The following SEH1L variants were observed in gnomAD, a reference collection of about 807,000 sequenced individuals.
SEH1L encodes nucleoporin SEH1.
A neutral mutation model predicts 49.5 loss-of-function variants in SEH1L; 18 were observed. The ratio of observed to expected loss-of-function variants is 0.36; its 90% CI spans 0.25 to 0.54. The LOEUF is 0.54. SEH1L is among the 20% of genes least tolerant of loss of function. The pLI, the probability that SEH1L is intolerant of heterozygous loss-of-function variation, is 0.87. For synonymous variants in SEH1L, 169 were observed against 178.1 expected, an observed-to-expected ratio of 0.95 and a Z score of 0.41; for missense variants, 404 against 528.8, an observed-to-expected ratio of 0.76 and a Z score of 2.31.
intron 7 of SEH1L, chr18:12,982,990 C>T: frequency 5.9e-6 from 1 of 168,604 alleles, no homozygotes; most frequent in Non-Finnish European, 1.3e-5. Context: ...CAGGCTAGGA[C>T]TGTAGTGGCT....
intron 6 of SEH1L, among the ~76,000 whole-genome samples, chr18:12,981,110 G>A (rs145193261): frequency 0.052 from 7,886 of 151,544 alleles, 302 homozygotes; most frequent in East Asian, 0.17. Context: ...CAGACAGGGC[G>A]GCCGGGCAGA....
At chr18:12,984,760 G>A (rs572055899) in intron 8 of SEH1L, 129 of 153,700 alleles carry the variant, frequency 8.4e-4, no homozygotes, top group Non-Finnish European at 1.0e-4. Context: ...TCTAGAGTCT[G>A]TTTCCATGTT....
intron 5 of SEH1L, chr18:12,976,687 C>T (rs7228122): frequency 0.34 from 52,429 of 152,004 alleles, 11,535 homozygotes; most frequent in East Asian, 0.63. Context: ...ATATTCTGGC[C>T]GGGCGCAGTG....
chr18:12,977,588 G>C (rs1461609754), intron 5 of SEH1L: 1 of 152,138 alleles, frequency 6.6e-6, no homozygotes. Flanking sequence ...GCCAGGCGTA[G>C]TGGTGCACGC....
intron 5 of SEH1L, among the ~76,000 whole-genome samples, chr18:12,974,994 TTTTA>T (rs994078748): frequency 4.6e-5 from 6 of 130,282 alleles, no homozygotes; most frequent in African/African-American, 1.8e-4. Context: ...TTTATTTTTA[TTTTA>T]TTTTTTTTTT....
chr18:12,979,153 G>A (rs936650192), intron 6 of SEH1L, among the ~76,000 whole-genome samples: 6 of 150,614 alleles, frequency 4.0e-5, no homozygotes, highest in African/African-American at 1.5e-4. Flanking sequence ...ATAGTGGAGG[G>A]AAGGTCAGCA....
intron 4 of SEH1L, among the ~76,000 whole-genome samples, chr18:12,970,265 T>A (rs555850649): frequency 6.6e-6 from 1 of 152,292 alleles, no homozygotes; most frequent in South Asian, 2.1e-4. Context: ...GTCATTCAGC[T>A]TATAGTTCAG....
In SEH1L at chr18:12,982,747, CTG is replaced by C. The variant is rs559429157; in HGVS notation, c.919+73_919+74del. 1.2e-4 allele frequency: 149 copies of C among 1,212,938 alleles called. 1 individual carries two copies. The South Asian group carries it at 2.0e-3, about 16-fold the overall frequency. 75.1% of individuals were successfully genotyped at this position (1,212,938 alleles called of 1,614,324 possible). Reference sequence around the variant, plus strand: ...GCAATTTTTACTTAAAATGTAAACTCTGAAATATTTTTTGAAAATGGTCTTTT... The same window carrying C: ...GCAATTTTTACTTAAAATGTAAACTCAAATATTTTTTGAAAATGGTCTTTT... On this transcript the variant is annotated intron_variant, in intron 7 of 8. Transcript: ENST00000399892.
In SEH1L at chr18:12,978,772, C is replaced by T. The variant is rs2032032390; in HGVS notation, c.641C>T (p.Thr214Ile). 3.7e-6 allele frequency: 6 copies of T among 1,612,114 alleles called. No homozygotes were observed. Among genetic ancestry groups the T allele is most frequent in the Non-Finnish European group, 5.1e-6 (6 of 1,179,010 alleles). Residue 214 changes from threonine (T) to isoleucine (I), a missense_variant, in exon 6 of 9, where the codon ACT (threonine) becomes ATT (isoleucine). Around this residue, in one of 3 missense-constraint regions of SEH1L, gnomAD observed 342 missense variants for 430.8 expected, o/e 0.79. Transcript: ENST00000399892. ...ATTAGGAAATATGCAAAAGCTGAAA[C>T]TCTTATGACAGTCACTGATCCTGTT... ...ENTRKYAKAE[T>I]LMTVTDPVHD...
intron 4 of SEH1L, among the ~76,000 whole-genome samples, chr18:12,967,107 C>G (rs1287781392): frequency 6.6e-6 from 1 of 152,186 alleles, no homozygotes; most frequent in East Asian, 1.9e-4. Flanking sequence ...AGTCAATTAT[C>G]ATTTGCACTG....
chr18:12,971,553 G>A, intron 5 of SEH1L: 1 of 182,084 alleles, frequency 5.5e-6, no homozygotes, highest in South Asian at 1.1e-4. Context: ...AGAATCGCTT[G>A]AACCCAGGAG....
chr18:12,949,442 G>GTT (rs71174155), intron 1 of SEH1L, among the ~76,000 whole-genome samples: 777 of 51,798 alleles, frequency 0.015, 296 homozygotes, highest in Non-Finnish European at 0.019. Context: ...TACGTTAACC[G>GTT]TTTTTTTTTT....
rs1568227572 is a variant in SEH1L, at chr18:12,978,915, A to T, written c.761+23A>T. On this transcript the variant is annotated intron_variant, in intron 6 of 8. Transcript: ENST00000399892. ...GAGGTGAGTTTTAGAAGCATTTATG[A>T]ATTTGAAAATACTCTTGCCTTCTGA... The T allele has an allele frequency of 1.9e-6, 3 of 1,608,560 alleles. No individual in the cohort carries two copies. The East Asian group carries it at 6.7e-5, about 36-fold the overall frequency.
chr18:12,983,989 C>T, intron 7 of SEH1L, 51 bp from the exon 8 acceptor site: 1 of 1,484,106 alleles, frequency 6.7e-7, no homozygotes, highest in Non-Finnish European at 9.3e-7. Flanking sequence ...GATTTGTGCC[C>T]TTAGGCATTG....
Position 12,948,058 on chromosome 18 carries a change from G to A in SEH1L, c.-64G>A. 3 of 1,285,282 alleles carry A rather than the reference G, an allele frequency of 2.3e-6. No homozygotes were observed. Among genetic ancestry groups the A allele is most frequent in the Non-Finnish European group, 3.3e-6 (3 of 904,918 alleles). The allele number at this position is 1,285,282 out of a possible 1,614,324, so 79.6% of individuals were successfully genotyped here. A position where few individuals can be genotyped will look rare whatever the true frequency, so the allele number is the denominator to read the frequency against. ...GCTGCGAGGTCTGGCTAGGCTACGG[G>A]CCACGCGCCGCCGCCGCTGCCGCCG... On this transcript the variant is annotated 5_prime_UTR_variant, in exon 1 of 9. Coordinates refer to ENST00000399892, the MANE Select transcript of SEH1L (RefSeq NM_001013437.2).
intron 8 of SEH1L, chr18:12,985,816 TA>T: frequency 2.1e-6 from 2 of 940,586 alleles, no homozygotes; most frequent in Non-Finnish European, 2.5e-6. Context: ...TAAAAAATAT[TA>T]GTAAAGGAGT....
intron 3 of SEH1L, among the ~76,000 whole-genome samples, chr18:12,961,587 ATAT>A (rs2031180208): frequency 6.6e-6 from 1 of 152,226 alleles, no homozygotes; most frequent in Non-Finnish European, 1.5e-5. Context: ...AGTTTATGTA[ATAT>A]TATCCTTTTA....
chr18:12,948,419 G>C (rs1272148693), intron 1 of SEH1L, 187 bp downstream of exon 1: 1 of 477,434 alleles, frequency 2.1e-6, no homozygotes, highest in African/African-American at 2.1e-5. Context: ...CGGCGGCCTC[G>C]CGGGCCGCCC....
intron 2 of SEH1L, among the ~76,000 whole-genome samples, chr18:12,953,959 T>C (rs2030701187): frequency 6.6e-6 from 1 of 152,242 alleles, no homozygotes; most frequent in African/African-American, 2.4e-5. Flanking sequence ...CCTTATTCTT[T>C]AGATTGCATT....
Sources: gnomAD v4.1 joint callset for allele counts (sites outside exome capture counted in the v4.1 genomes callset) on GRCh38, gnomAD v4.1.1 for gene constraint, gnomAD v4.1.1 regional missense constraint, MANE v1.5 for transcripts, NCBI Gene and HGNC (gene_info 2026-07-23, HGNC 2026-07-21) for gene names.